The following RIPOR2 variants were observed in gnomAD, a reference collection of about 807,000 sequenced individuals.
RIPOR2 encodes the protein RHO family interacting cell polarization regulator 2.
Under a neutral mutation model 114.5 loss-of-function variants are expected in RIPOR2, and 39 were observed. That is an observed-to-expected ratio of 0.34 (90% CI 0.26 to 0.44). The LOEUF (loss-of-function observed/expected upper bound fraction) is 0.44, where lower values mean the gene tolerates loss of function less well. Among genes scored for constraint, RIPOR2 ranks in the 20% least tolerant of loss-of-function variants. The pLI is 1.00. For missense variants in RIPOR2, 1,007 were observed against 1,255.1 expected (o/e 0.80, Z 2.99); for synonymous variants, 445 against 484.4 (o/e 0.92, Z 1.07).
At chr6:24,925,086 T>A (rs1770763624) in intron 1 of RIPOR2, among the ~76,000 whole-genome samples, 1 of 152,196 alleles carries the variant, frequency 6.6e-6, no homozygotes, top group Admixed American at 6.5e-5. Flanking sequence ...TAACTGCAAA[T>A]GTTCATCTGT....
intron 1 of RIPOR2, among the ~76,000 whole-genome samples, chr6:25,000,598 G>A (rs559622914): frequency 6.6e-6 from 1 of 150,874 alleles, no homozygotes; most frequent in East Asian, 2.0e-4. Flanking sequence ...CATTGTTCAT[G>A]TTTTACATAC....
At chr6:24,900,336 T>A (rs895799967) in intron 1 of RIPOR2, among the ~76,000 whole-genome samples, 2 of 152,216 alleles carry the variant, frequency 1.3e-5, no homozygotes, top group Admixed American at 6.5e-5. Context: ...AATGGAGTAA[T>A]TACCTCAGGG....
rs568529825 is a variant in RIPOR2 at position 24,828,210 on chromosome 6, G to A, written c.2592C>T (p.Phe864=). ...SSLSSEVVTV[F]QYYSYFTSHG... ...GGCTGGTGAAGTAACTGTAATACTG[G>A]AAAACAGTGACGACTTCCGAGGACA... Residue 864 remains phenylalanine (F), a synonymous_variant, in exon 18 of 22, where the codon TTC becomes TTT. Coordinates refer to ENST00000643898, the MANE Select transcript of RIPOR2 (RefSeq NM_001286445.3). 2.0e-4 allele frequency: 306 copies of A among 1,551,392 alleles called. No individual in the cohort carries two copies. Among genetic ancestry groups the A allele is most frequent in the Admixed American group, 3.5e-4 (18 of 50,984 alleles).
chr6:24,987,779 A>C (rs181737008), intron 1 of RIPOR2, among the ~76,000 whole-genome samples: 1 of 152,322 alleles, frequency 6.6e-6, no homozygotes, highest in Non-Finnish European at 1.5e-5. Context: ...AAATCAGAAG[A>C]CCTCAGAGAT....
chr6:24,864,118 G>A (rs1009092945), intron 7 of RIPOR2, among the ~76,000 whole-genome samples: 9 of 152,168 alleles, frequency 5.9e-5, no homozygotes, highest in East Asian at 1.9e-4. Context: ...CCTGGCCAAC[G>A]TATAGTAAAA....
At chr6:24,949,898 A>G (rs1772662142) in intron 1 of RIPOR2, among the ~76,000 whole-genome samples, 1 of 152,268 alleles carries the variant, frequency 6.6e-6, no homozygotes. Context: ...AATTTCATCC[A>G]AAGTTTTAAC....
At position 24,840,675 on chromosome 6, in the gene RIPOR2, G is replaced by A. The variant is rs1407422401; in HGVS notation, c.1858-1403C>T. On this transcript the variant is annotated intron_variant, in intron 13 of 21. Transcript: ENST00000643898. ...ATGGCACAAAAGCACATGGGAAAAC[G>A]TCTTTCGGTCTTTTAAATCACAGTT... is the stretch of plus-strand genomic sequence containing the variant. 4.6e-6 allele frequency: 7 copies of A among 1,534,420 alleles called. No individual in the cohort carries two copies. In the South Asian group the frequency reaches 7.1e-5, roughly 16 times the overall value.
chr6:24,880,959 T>G (rs1766288452), intron 1 of RIPOR2, among the ~76,000 whole-genome samples: 1 of 152,084 alleles, frequency 6.6e-6, no homozygotes, highest in Non-Finnish European at 1.5e-5. Context: ...AACAACAAAC[T>G]CAGGCCAGGT....
At chr6:24,919,009 T>G (rs181287301) in intron 1 of RIPOR2, among the ~76,000 whole-genome samples, 2 of 152,332 alleles carry the variant, frequency 1.3e-5, no homozygotes, top group East Asian at 3.9e-4. Context: ...ATCAGGATAC[T>G]GGATACAAGA....
At chr6:25,034,092 T>TTA (rs3056859) in intron 1 of RIPOR2, among the ~76,000 whole-genome samples, 75,450 of 149,480 alleles carry the variant, frequency 0.5, 20,177 homozygotes, top group East Asian at 0.69. Context: ...CAAAAAGGTT[T>TTA]TATATATATA....
Position 24,852,559 on chromosome 6 carries a change from C to A in RIPOR2, c.759+16G>T. The A allele has an allele frequency of 1.2e-6, 2 of 1,607,522 alleles. No homozygotes were observed. Among genetic ancestry groups the A allele is most frequent in the Non-Finnish European group, 1.7e-6 (2 of 1,175,016 alleles). On this transcript the variant is annotated intron_variant, in intron 9 of 21. Transcript: ENST00000643898. ...CAGGTCCATAATTCCAGCACCTAGACCAAGACAATACTTACTTCATATTGA... is the reference window on the plus strand; with the variant it reads ...CAGGTCCATAATTCCAGCACCTAGAACAAGACAATACTTACTTCATATTGA...
intron 1 of RIPOR2, among the ~76,000 whole-genome samples, chr6:25,041,146 G>C (rs896740282): frequency 3.3e-5 from 5 of 152,108 alleles, no homozygotes; most frequent in African/African-American, 1.2e-4. Context: ...TGTGAAAACA[G>C]ACCCCTTTCA....
Position 24,957,545 on chromosome 6 carries a change from T to G in RIPOR2, c.77-81728A>C, listed in dbSNP as rs532917423. On this transcript the variant is annotated intron_variant, in intron 1 of 13. Coordinates refer to the RIPOR2 transcript ENST00000510784. ...TAGAGCCATGGGAGTCAGGAAAGAC[T>G]TTTGGAGGGAGTGATGGCCAAATGA... Among the ~76,000 whole-genome samples, 10 of 152,272 alleles carry G rather than the reference T, an allele frequency of 6.6e-5. No individual in the cohort carries two copies. In the South Asian group the frequency reaches 2.1e-3, roughly 32 times the overall value.
intron 1 of RIPOR2, chr6:25,023,467 CT>C (rs1776430002): frequency 1.3e-6 from 1 of 768,390 alleles, no homozygotes; most frequent in African/African-American, 1.7e-5. Flanking sequence ...CCACTTGCCC[CT>C]AGGACTTGGC....
chr6:25,001,410 G>T (rs1775310029), intron 1 of RIPOR2, among the ~76,000 whole-genome samples: 1 of 151,940 alleles, frequency 6.6e-6, no homozygotes, highest in South Asian at 2.1e-4. Flanking sequence ...GGATCACGAG[G>T]TCAGGAGTTT....
chr6:24,983,215 CACAT>C (rs1385347825), intron 1 of RIPOR2, among the ~76,000 whole-genome samples: 1 of 151,140 alleles, frequency 6.6e-6, no homozygotes, highest in Non-Finnish European at 1.5e-5. Context: ...CACACACACA[CACAT>C]ACATATATAC....
At chr6:24,997,310 T>C (rs1476570236) in intron 1 of RIPOR2, among the ~76,000 whole-genome samples, 3 of 151,840 alleles carry the variant, frequency 2.0e-5, no homozygotes, top group Non-Finnish European at 4.4e-5. Flanking sequence ...GCTCACTATG[T>C]AGTAAACACT....
At chr6:24,998,115 C>T (rs1328531163) in intron 1 of RIPOR2, among the ~76,000 whole-genome samples, 2 of 152,056 alleles carry the variant, frequency 1.3e-5, no homozygotes, top group Non-Finnish European at 2.9e-5. Flanking sequence ...GTAAATTAGC[C>T]CACACTCTTA....
At chr6:24,854,940 T>C (rs1252228219) in intron 8 of RIPOR2, among the ~76,000 whole-genome samples, 1 of 146,192 alleles carries the variant, frequency 6.8e-6, no homozygotes, top group African/African-American at 2.6e-5. Flanking sequence ...GGCAGGAGAA[T>C]CGCTTGAACC....
Sources: gnomAD v4.1 joint callset for allele counts (sites outside exome capture counted in the v4.1 genomes callset) on GRCh38, gnomAD v4.1.1 for gene constraint, MANE v1.5 for transcripts, NCBI Gene and HGNC (gene_info 2026-07-23, HGNC 2026-07-21) for gene names.